IRAG2: variants seen among roughly 807,000 people sequenced by gnomAD.
The protein encoded by IRAG2 is inositol 1,4,5-triphosphate receptor associated 2.
IRAG2 carries 45 observed loss-of-function variants against 69.9 expected under a neutral mutation model. That is an observed-to-expected ratio of 0.64 (90% CI 0.51 to 0.83). The LOEUF is 0.83. Ranked by LOEUF, IRAG2 falls within the 40% of genes least tolerant of loss-of-function variation. IRAG2 has a pLI of 0.00. For missense variants in IRAG2, 520 were observed against 587.0 expected, an observed-to-expected ratio of 0.89 and a Z score of 1.18; for synonymous variants, 193 against 202.4, an observed-to-expected ratio of 0.95 and a Z score of 0.40.
chr12:25,066,661 CTTTCT>C, intron 5 of IRAG2, 149 bp downstream of exon 5: 1 of 377,108 alleles, frequency 2.7e-6, no homozygotes, highest in East Asian at 3.8e-5. Flanking sequence ...CAATTTCTTT[CTTTCT>C]TTTTTTTTTT....
At chr12:25,099,254 C>G (rs1467726435) in intron 15 of IRAG2, among the ~76,000 whole-genome samples, 1 of 152,190 alleles carries the variant, frequency 6.6e-6, no homozygotes, top group East Asian at 1.9e-4. Context: ...CCATTCAAAA[C>G]TGACTGTTCA....
At chr12:25,101,872 C>A in intron 16 of IRAG2, 1 of 535,482 alleles carries the variant, frequency 1.9e-6, no homozygotes, top group Non-Finnish European at 3.5e-6. Flanking sequence ...GAATCTGTTC[C>A]CTGTTCTAGA....
intron 10 of IRAG2, among the ~76,000 whole-genome samples, chr12:25,085,667 C>T (rs971601832): frequency 2.8e-5 from 4 of 143,856 alleles, no homozygotes; most frequent in African/African-American, 1.2e-4. Context: ...CTTAGGTCTG[C>T]AGGCACAGGC....
At chr12:25,028,400 T>C (rs781616018) in intron 9 of IRAG2, among the ~76,000 whole-genome samples, 6 of 152,234 alleles carry the variant, frequency 3.9e-5, no homozygotes, top group Admixed American at 6.5e-5. Context: ...ATTTTATTTA[T>C]TTCTAAATCA....
At chr12:25,015,112 A>AAAG (rs1555125446) in intron 3 of IRAG2, 191 of 361,030 alleles carry the variant, frequency 5.3e-4, no homozygotes, top group African/African-American at 3.0e-3. Flanking sequence ...AAAAAAAAAA[A>AAAG]GACAAAACTT....
At chr12:25,025,155 G>A (rs1944611087) in intron 8 of IRAG2, among the ~76,000 whole-genome samples, 1 of 152,200 alleles carries the variant, frequency 6.6e-6, no homozygotes, top group Non-Finnish European at 1.5e-5. Context: ...AATAGCTCAT[G>A]TGGAACTAGT....
intron 6 of IRAG2, among the ~76,000 whole-genome samples, chr12:25,073,821 T>C (rs1174334338): frequency 6.6e-6 from 1 of 152,202 alleles, no homozygotes; most frequent in East Asian, 1.9e-4. Flanking sequence ...CGGATAAAAA[T>C]GTTATGATGT....
intron 3 of IRAG2, among the ~76,000 whole-genome samples, chr12:25,011,794 G>T (rs565445113): frequency 1.3e-5 from 2 of 152,136 alleles, no homozygotes; most frequent in Admixed American, 1.3e-4. Flanking sequence ...TGCTGGGAGT[G>T]GGCTGGACAT....
chr12:25,097,520 C>T (rs1418006386), intron 15 of IRAG2: 1 of 152,184 alleles, frequency 6.6e-6, no homozygotes, highest in Non-Finnish European at 1.5e-5. Flanking sequence ...AGTAAATATC[C>T]TTGTATATGC....
chr12:25,051,305 T>C (rs1944867636), upstream of IRAG2, among the ~76,000 whole-genome samples: 1 of 152,244 alleles, frequency 6.6e-6, no homozygotes, highest in African/African-American at 2.4e-5. Flanking sequence ...TTGCCTCTCA[T>C]GTGGTCCTTC....
intron 6 of IRAG2, among the ~76,000 whole-genome samples, chr12:25,018,324 C>A (rs138384096): frequency 2.0e-5 from 3 of 151,842 alleles, no homozygotes; most frequent in Non-Finnish European, 4.4e-5. Flanking sequence ...CCTCACCCCC[C>A]ACCCCTCAAG....
chr12:25,102,555 G>A, intron 17 of IRAG2: 3 of 320,814 alleles, frequency 9.4e-6, no homozygotes, highest in Non-Finnish European at 1.2e-5. Context: ...CTCCTTTCGT[G>A]CTGCCTCACT....
intron 3 of IRAG2, among the ~76,000 whole-genome samples, chr12:25,014,893 G>T (rs1261557489): frequency 6.7e-6 from 1 of 150,248 alleles, no homozygotes; most frequent in African/African-American, 2.5e-5. Flanking sequence ...TTCATATTAG[G>T]TAAAAGTGTA....
intron 13 of IRAG2, among the ~76,000 whole-genome samples, chr12:25,035,151 G>A (rs1481911496): frequency 6.6e-6 from 1 of 152,170 alleles, no homozygotes; most frequent in Non-Finnish European, 1.5e-5. Context: ...TAAGAGTCCT[G>A]TAACCTTTTC....
At chr12:25,035,572 T>C (rs960959617) in intron 13 of IRAG2, 7 of 397,918 alleles carry the variant, frequency 1.8e-5, no homozygotes, top group Non-Finnish European at 1.8e-5. Flanking sequence ...CATTAACTCA[T>C]GAGCATCATT....
At chr12:25,083,290 A>G in intron 9 of IRAG2, 133 bp from the exon 10 acceptor site, 1 of 723,228 alleles carries the variant, frequency 1.4e-6, no homozygotes, top group Admixed American at 2.1e-5. Flanking sequence ...CATTTTTTGT[A>G]GTTCATAATT....
chr12:25,106,867 G>C, intron 20 of IRAG2, 76 bp from the exon 21 acceptor site: 1 of 578,416 alleles, frequency 1.7e-6, no homozygotes, highest in East Asian at 3.4e-5. Flanking sequence ...GTTACAGTAA[G>C]ATTCAGCAAT....
intron 10 of IRAG2, among the ~76,000 whole-genome samples, chr12:25,085,085 G>A (rs973647275): frequency 5.3e-5 from 8 of 152,256 alleles, no homozygotes; most frequent in Non-Finnish European, 1.2e-4. Context: ...AAGTCCAAGT[G>A]AGTGTGTGTT....
At chr12:25,039,424 C>T (rs545023093) in intron 16 of IRAG2, among the ~76,000 whole-genome samples, 12 of 152,124 alleles carry the variant, frequency 7.9e-5, no homozygotes, top group Non-Finnish European at 1.6e-4. Flanking sequence ...CCACAAAAGG[C>T]AGCGTCAACA....
Sources: gnomAD v4.1 joint callset for allele counts (sites outside exome capture counted in the v4.1 genomes callset) on GRCh38, gnomAD v4.1.1 for gene constraint, MANE v1.5 for transcripts, NCBI Gene and HGNC (gene_info 2026-07-23, HGNC 2026-07-21) for gene names.